PAM: variants seen among roughly 807,000 people sequenced by gnomAD.
PAM encodes peptidyl-glycine alpha-amidating monooxygenase.
PAM carries 72 observed loss-of-function variants against 122.1 expected under a neutral mutation model. The observed-to-expected ratio is 0.59, with a 90% CI of 0.49 to 0.72. The LOEUF is 0.72. Ranked by LOEUF, PAM falls within the 30% of genes least tolerant of loss-of-function variation. PAM has a pLI of 0.00. For missense variants in PAM, 1,106 were observed against 1,183.7 expected, an observed-to-expected ratio of 0.93 and a Z score of 0.96; for synonymous variants, 389 against 404.4, an observed-to-expected ratio of 0.96 and a Z score of 0.46.
chr5:102,988,903 C>T (rs1773080657), intron 15 of PAM, among the ~76,000 whole-genome samples: 1 of 152,158 alleles, frequency 6.6e-6, no homozygotes, highest in African/African-American at 2.4e-5. Flanking sequence ...CTTGTTCTCA[C>T]ACAAGCATCC....
At chr5:102,988,530 G>A (rs1482723028) in intron 15 of PAM, among the ~76,000 whole-genome samples, 1 of 150,756 alleles carries the variant, frequency 6.6e-6, no homozygotes, top group East Asian at 1.9e-4. Context: ...TTCTACCATA[G>A]TACCTTACAT....
chr5:102,833,523 G>T (rs1038732184), intron 1 of PAM, among the ~76,000 whole-genome samples: 4 of 152,080 alleles, frequency 2.6e-5, no homozygotes, highest in African/African-American at 9.7e-5. Context: ...CCATGTAAAG[G>T]ACAGCTCCAC....
intron 14 of PAM, among the ~76,000 whole-genome samples, chr5:102,970,432 A>AAGAGAGAAG (rs1765458278): frequency 2.0e-5 from 3 of 152,330 alleles, no homozygotes; most frequent in South Asian, 2.1e-4. Context: ...CTTGTAAAGG[A>AAGAGAGAAG]AGAGAGAAGA....
chr5:102,949,333 A>T (rs188735780), intron 9 of PAM, among the ~76,000 whole-genome samples: 367 of 147,656 alleles, frequency 2.5e-3, no homozygotes, highest in South Asian at 9.5e-3. Flanking sequence ...GTTTATGAAT[A>T]AAATAAAAAT....
At chr5:102,758,753 A>G (rs574282735) in intron 1 of PAM, among the ~76,000 whole-genome samples, 1 of 152,280 alleles carries the variant, frequency 6.6e-6, no homozygotes, top group African/African-American at 2.4e-5. Context: ...GAGCTAATCC[A>G]TGTGTGGTTC....
chr5:102,782,717 C>CTGTGTGTG (rs1222031698), intron 1 of PAM, among the ~76,000 whole-genome samples: 1 of 146,764 alleles, frequency 6.8e-6, no homozygotes, highest in African/African-American at 2.6e-5. Flanking sequence ...CTCTCTCTCT[C>CTGTGTGTG]TCTCTCTCTG....
Position 102,942,415 on chromosome 5 carries a change from C to T in PAM, c.527-4422C>T, listed in dbSNP as rs1755564965. Among the ~76,000 whole-genome samples, 3 of 152,078 alleles carry T rather than the reference C, an allele frequency of 2.0e-5. 1 individual carries two copies. In the South Asian group the frequency reaches 6.2e-4, roughly 32 times the overall value. ...CAACATCTATGTATGTGTATTATTG[C>T]AAAGTCATTTGCATTTAGTGATAAT... On this transcript the variant is annotated intron_variant, in intron 7 of 25. Transcript: ENST00000438793.
intron 1 of PAM, among the ~76,000 whole-genome samples, chr5:102,790,949 G>A (rs1402746394): frequency 1.3e-5 from 2 of 151,988 alleles, no homozygotes; most frequent in Non-Finnish European, 2.9e-5. Flanking sequence ...TTCTGTTCAT[G>A]CATATATGCA....
chr5:102,883,867 A>G (rs890254501), intron 3 of PAM, among the ~76,000 whole-genome samples: 2 of 151,852 alleles, frequency 1.3e-5, no homozygotes, highest in Non-Finnish European at 2.9e-5. Flanking sequence ...AATGGCTTTT[A>G]TTAATTTAAG....
At position 102,801,250 on chromosome 5, in the gene PAM, A is replaced by C. The variant is rs192998561; in HGVS notation, c.-374+45902A>C. 1.4e-3 allele frequency among the ~76,000 whole-genome samples: 219 copies of C among 152,328 alleles called. 2 individuals are homozygous for C. The highest frequency in any genetic ancestry group is 3.8e-4 in the Non-Finnish European group (26 of 68,024). On this transcript the variant is annotated intron_variant, in intron 1 of 25. Transcript: ENST00000438793. ...TATAAAATAAAACAGGTTTTCTTGT[A>C]ATTTATATCATTAAAACATATAAAT...
intron 1 of PAM, among the ~76,000 whole-genome samples, chr5:102,836,805 A>G (rs1241601532): frequency 6.6e-6 from 1 of 151,974 alleles, no homozygotes; most frequent in Non-Finnish European, 1.5e-5. Context: ...AATGTGGACA[A>G]TAAACAATTT....
intron 14 of PAM, among the ~76,000 whole-genome samples, chr5:102,968,689 T>C (rs1235911606): frequency 6.6e-6 from 1 of 152,204 alleles, no homozygotes; most frequent in Non-Finnish European, 1.5e-5. Flanking sequence ...AAACAAATTA[T>C]ATGGTCACCT....
At chr5:102,857,238 G>C (rs1164167751) in intron 1 of PAM, among the ~76,000 whole-genome samples, 3 of 152,156 alleles carry the variant, frequency 2.0e-5, no homozygotes, top group Non-Finnish European at 4.4e-5. Context: ...GGGAGCAGTG[G>C]GGACAGTGGC....
At chr5:103,012,855 CAAA>C (rs777801743) in intron 21 of PAM, among the ~76,000 whole-genome samples, 1 of 100,504 alleles carries the variant, frequency 9.9e-6, no homozygotes, top group African/African-American at 3.8e-5. Flanking sequence ...GACTCTGCCT[CAAA>C]AAAAAAAAAA....
At chr5:102,769,962 T>C (rs1321247558) in intron 1 of PAM, among the ~76,000 whole-genome samples, 3 of 152,174 alleles carry the variant, frequency 2.0e-5, no homozygotes, top group African/African-American at 7.2e-5. Flanking sequence ...ATTTTACCGA[T>C]ATTGATTCTT....
In PAM at chr5:102,950,416, G is replaced by GGGTATGTGTGTGTGTGTGTGT. The variant is rs372626572; in HGVS notation, c.802-300_802-299insGTATGTGTGTGTGTGTGTGTG. On this transcript the variant is annotated intron_variant, in intron 11 of 25. Transcript: ENST00000438793. ...CAGTGATTATTTGTGTATGTGGGTG[G>GGGTATGTGTGTGTGTGTGTGT]GTGTGTGTGTGTGTGTGTGTGTGTC... is the stretch of plus-strand genomic sequence containing the variant. 2.6e-3 allele frequency among the ~76,000 whole-genome samples: 373 copies of GGGTATGTGTGTGTGTGTGTGT among 146,056 alleles called. 1 individual carries two copies. The highest frequency in any genetic ancestry group is 9.4e-3 in the African/African-American group (367 of 39,004).
At chr5:102,968,505 A>C (rs1445924115) in intron 14 of PAM, among the ~76,000 whole-genome samples, 1 of 152,236 alleles carries the variant, frequency 6.6e-6, no homozygotes, top group Non-Finnish European at 1.5e-5. Context: ...CTAAGCTCTC[A>C]AGAAATTTTA....
rs558979184 is a variant in PAM, at chr5:102,785,025, A to G, written c.-374+29677A>G. 7.9e-5 allele frequency among the ~76,000 whole-genome samples: 12 copies of G among 152,382 alleles called. No homozygotes were observed. In the South Asian group the frequency reaches 2.3e-3, roughly 29 times the overall value. ...GGTTTAGGATTCAGCAAGTCATTTT[A>G]TAAAACTTCCCCAAATAGACTTTTT... is the stretch of plus-strand genomic sequence containing the variant. On this transcript the variant is annotated intron_variant, in intron 1 of 25. Coordinates refer to ENST00000438793, the MANE Select transcript of PAM (RefSeq NM_001177306.2).
intron 1 of PAM, among the ~76,000 whole-genome samples, chr5:102,759,730 C>T (rs1751771985): frequency 6.6e-6 from 1 of 152,106 alleles, no homozygotes; most frequent in African/African-American, 2.4e-5. Context: ...AGGCATAAAC[C>T]TTAAACGGAC....
Sources: gnomAD v4.1 joint callset for allele counts (sites outside exome capture counted in the v4.1 genomes callset) on GRCh38, gnomAD v4.1.1 for gene constraint, MANE v1.5 for transcripts, NCBI Gene and HGNC (gene_info 2026-07-23, HGNC 2026-07-21) for gene names.